Variants in FCHO2 observed in about 807,000 individuals in gnomAD.
The protein encoded by FCHO2 is FCH and mu domain containing endocytic adaptor 2.
A neutral mutation model predicts 114.1 loss-of-function variants in FCHO2; 43 were observed. The ratio of observed to expected loss-of-function variants is 0.38; its 90% CI spans 0.30 to 0.49. FCHO2 has a LOEUF of 0.49. Ranked by LOEUF, FCHO2 falls within the 20% of genes least tolerant of loss-of-function variation. The pLI is 0.97. For missense variants in FCHO2, 807 were observed against 950.4 expected, an observed-to-expected ratio of 0.85 and a Z score of 1.98; for synonymous variants, 293 against 315.2, an observed-to-expected ratio of 0.93 and a Z score of 0.75.
chr5:73,035,010 A>G (rs941709919), intron 9 of FCHO2, among the ~76,000 whole-genome samples: 4 of 152,174 alleles, frequency 2.6e-5, no homozygotes, highest in Non-Finnish European at 5.9e-5. Context: ...GCCTTGTTCC[A>G]TGTTTAAGCC....
At chr5:73,026,536 A>G (rs902094337) in intron 8 of FCHO2, among the ~76,000 whole-genome samples, 2 of 152,192 alleles carry the variant, frequency 1.3e-5, no homozygotes, top group South Asian at 4.1e-4. Context: ...CACCAATTTT[A>G]TTTTTAGTCA....
intron 5 of FCHO2, among the ~76,000 whole-genome samples, chr5:72,999,081 G>A (rs1754287143): frequency 6.6e-6 from 1 of 151,992 alleles, no homozygotes; most frequent in African/African-American, 2.4e-5. Flanking sequence ...AATTCACCCT[G>A]TGCTTCACAG....
chr5:73,008,810 C>A (rs917915231), intron 6 of FCHO2, among the ~76,000 whole-genome samples: 4 of 152,108 alleles, frequency 2.6e-5, no homozygotes, highest in Non-Finnish European at 5.9e-5. Flanking sequence ...TAAACAGATG[C>A]CACTACAGAT....
intron 5 of FCHO2, among the ~76,000 whole-genome samples, chr5:72,994,569 T>G (rs1416799010): frequency 6.6e-6 from 1 of 152,214 alleles, no homozygotes; most frequent in Non-Finnish European, 1.5e-5. Flanking sequence ...GAAAGCAGTG[T>G]GTGGCGATTC....
chr5:73,060,883 A>G (rs888538268), intron 17 of FCHO2, among the ~76,000 whole-genome samples: 3 of 152,014 alleles, frequency 2.0e-5, no homozygotes, highest in Non-Finnish European at 4.4e-5. Context: ...ATATGAATAT[A>G]TATAAACATC....
Position 73,029,212 on chromosome 5 carries a change from G to A in FCHO2, c.797-5445G>A, listed in dbSNP as rs1014435704. Among the ~76,000 whole-genome samples, 11 of 152,246 alleles carry A rather than the reference G, an allele frequency of 7.2e-5. No homozygotes were observed. The South Asian group carries it at 8.3e-4, about 11-fold the overall frequency. ...GGAGTTGGGAAGAATCATTTTAAGG[G>A]TTTTGGCATGAGTAACTGAAAGGAT... is the stretch of plus-strand genomic sequence containing the variant. On this transcript the variant is annotated intron_variant, in intron 8 of 25. Transcript: ENST00000430046.
At chr5:73,030,214 G>A (rs1159796779) in intron 8 of FCHO2, among the ~76,000 whole-genome samples, 1 of 151,642 alleles carries the variant, frequency 6.6e-6, no homozygotes, top group Non-Finnish European at 1.5e-5. Flanking sequence ...GCTAATTTTT[G>A]TATTTTTAGT....
chr5:72,987,935 T>G (rs1204794354), intron 2 of FCHO2, among the ~76,000 whole-genome samples: 1 of 152,154 alleles, frequency 6.6e-6, no homozygotes, highest in Non-Finnish European at 1.5e-5. Flanking sequence ...TCACATATCT[T>G]AATTATGTTT....
At chr5:73,037,406 T>C (rs1055461061) in intron 10 of FCHO2, among the ~76,000 whole-genome samples, 191 bp downstream of exon 10, 7 of 151,960 alleles carry the variant, frequency 4.6e-5, no homozygotes, top group African/African-American at 1.7e-4. Flanking sequence ...CAAAGTATTA[T>C]TAATTATTTG....
intron 15 of FCHO2, among the ~76,000 whole-genome samples, 170 bp from the exon 16 acceptor site, chr5:73,055,895 T>C (rs1757569341): frequency 6.6e-6 from 1 of 152,176 alleles, no homozygotes; most frequent in Admixed American, 6.5e-5. Context: ...ATTTCAGTTA[T>C]TTTAATGTAC....
Position 73,006,476 on chromosome 5 carries a change from C to T in FCHO2, c.527C>T (p.Thr176Ile). ...GTTAAATCTAAGAAAGCTACAGATA[C>T]CTATAAACTCTATGTGGAAAAATAT... ...AAVKSKKATD[T>I]YKLYVEKYAL... is the part of the protein sequence containing the mutation. The change falls in exon 6 of 26, where the codon ACC (threonine) becomes ATC (isoleucine). Residue 176 changes from threonine (T) to isoleucine (I), a missense_variant. By Grantham distance (89) the Thr-to-Ile change is moderately conservative (BLOSUM62 -1). Coordinates refer to ENST00000430046, the MANE Select transcript of FCHO2 (RefSeq NM_138782.3). 6.4e-7 allele frequency: 1 copy of T among 1,567,762 alleles called. No individual in the cohort carries two copies. Among genetic ancestry groups the T allele is most frequent in the Middle Eastern group, 1.7e-4 (1 of 5,922 alleles).
At chr5:73,038,438 C>G (rs1384270635) in intron 10 of FCHO2, among the ~76,000 whole-genome samples, 1 of 152,128 alleles carries the variant, frequency 6.6e-6, no homozygotes, top group Non-Finnish European at 1.5e-5. Context: ...AGACACCGAT[C>G]AAAAGTCTTG....
At chr5:72,985,648 A>C (rs1753480550) in intron 2 of FCHO2, among the ~76,000 whole-genome samples, 1 of 152,052 alleles carries the variant, frequency 6.6e-6, no homozygotes, top group Non-Finnish European at 1.5e-5. Context: ...CAGTTGGTAG[A>C]TTTTTTTAAT....
chr5:73,078,565 A>G (rs1200332175), intron 22 of FCHO2, among the ~76,000 whole-genome samples: 1 of 152,234 alleles, frequency 6.6e-6, no homozygotes, highest in African/African-American at 2.4e-5. Context: ...GACTAGCAGT[A>G]TCAGTCTTAA....
chr5:72,992,675 A>G (rs1164200666), intron 5 of FCHO2, among the ~76,000 whole-genome samples: 3 of 152,214 alleles, frequency 2.0e-5, no homozygotes, highest in East Asian at 3.8e-4. Context: ...GGACACAGAT[A>G]CAGAGACACA....
intron 22 of FCHO2, among the ~76,000 whole-genome samples, chr5:73,081,537 G>A (rs1185320575): frequency 6.6e-6 from 1 of 152,190 alleles, no homozygotes; most frequent in African/African-American, 2.4e-5. Flanking sequence ...ATTTTCTGCA[G>A]TTGGAGCTAA....
chr5:73,002,072 C>T (rs574826861), intron 5 of FCHO2, among the ~76,000 whole-genome samples: 2 of 152,152 alleles, frequency 1.3e-5, no homozygotes, highest in South Asian at 2.1e-4. Flanking sequence ...TAGATCCAGC[C>T]GTTAACCTTT....
intron 2 of FCHO2, among the ~76,000 whole-genome samples, chr5:72,972,145 C>G (rs1440707125): frequency 9.9e-5 from 15 of 152,002 alleles, no homozygotes; most frequent in African/African-American, 2.4e-4. Flanking sequence ...GATGCCTCCA[C>G]CTTTGTTCTT....
chr5:73,085,303 C>T (rs182887818), intron 24 of FCHO2, among the ~76,000 whole-genome samples: 5 of 151,564 alleles, frequency 3.3e-5, no homozygotes, highest in South Asian at 4.2e-4. Flanking sequence ...GAGCCAACAT[C>T]GCACCACTGC....
Sources: allele counts gnomAD v4.1 joint callset (sites outside exome capture counted in the v4.1 genomes callset), GRCh38; gene constraint gnomAD v4.1.1; transcripts MANE v1.5; gene names NCBI Gene and HGNC (gene_info 2026-07-23, HGNC 2026-07-21).